Variants in UCP3 observed in about 807,000 individuals in gnomAD.
UCP3 encodes the protein putative mitochondrial transporter UCP3.
In UCP3, 24 loss-of-function variants were observed where a neutral mutation model predicts 28.1. The observed-to-expected ratio is 0.85, with a 90% confidence interval of 0.62 to 1.20. The LOEUF (loss-of-function observed/expected upper bound fraction) is 1.20, where lower values mean the gene tolerates loss of function less well. UCP3 is among the 50% of genes most tolerant of loss of function. The probability of loss-of-function intolerance (pLI) is 0.00; values close to 1 mark genes in which losing one functional copy is unlikely to be tolerated. For missense variants in UCP3, 397 were observed against 422.2 expected, an observed-to-expected ratio of 0.94 and a Z score of 0.52; for synonymous variants, 184 against 171.2, an observed-to-expected ratio of 1.07 and a Z score of -0.59.
intron 6 of UCP3, chr11:74,001,903 T>C (rs1034309045): frequency 2.2e-4 from 61 of 282,320 alleles, no homozygotes; most frequent in African/African-American, 1.3e-3. Flanking sequence ...AACTCCACCC[T>C]GCTGCTGGGT....
rs755640693 is a variant in UCP3, at chr11:74,007,085, G to A, written c.-43C>T. 7 of 1,610,022 alleles carry A rather than the reference G, an allele frequency of 4.3e-6. No individual in the cohort carries two copies. The South Asian group carries it at 5.5e-5, about 13-fold the overall frequency. On this transcript the variant is annotated 5_prime_UTR_variant, in exon 2 of 7. Coordinates refer to ENST00000314032, the MANE Select transcript of UCP3 (RefSeq NM_003356.4). ...CCCAGTCCCTTTAGGGCCGAGAGGA[G>A]GTCCAAGGAGAGAGGCTGCTCCACA...
chr11:74,003,740 T>G, intron 6 of UCP3, 87 bp downstream of exon 6: 1 of 1,512,388 alleles, frequency 6.6e-7, no homozygotes, highest in Non-Finnish European at 8.8e-7. Context: ...CACCGCTACA[T>G]CCCAGGTTGA....
At position 74,004,471 on chromosome 11, in the gene UCP3, C is replaced by T; in HGVS notation, c.643+13G>A. ...CTGAGGGAGAGCTGCCTGCCTGGAG[C>T]CCAGGGCCTCACCAGTGAGCAGGTG... On this transcript the variant is annotated intron_variant, in intron 5 of 6. Transcript: ENST00000314032. 1 of 1,613,610 alleles carries T rather than the reference C, an allele frequency of 6.2e-7. No homozygotes were observed. Among genetic ancestry groups the T allele is most frequent in the Non-Finnish European group, 8.5e-7 (1 of 1,179,612 alleles).
intron 6 of UCP3, 69 bp from the exon 7 acceptor site, chr11:74,001,595 C>T (rs966904271): frequency 1.9e-5 from 26 of 1,379,198 alleles, no homozygotes; most frequent in South Asian, 4.7e-5. Flanking sequence ...TGTGCTCTCC[C>T]GGGACACAGT....
At chr11:74,001,740 G>A (rs745443059) in intron 6 of UCP3, 105 of 548,176 alleles carry the variant, frequency 1.9e-4, no homozygotes, top group Non-Finnish European at 2.9e-4. Flanking sequence ...AAAAACTCAC[G>A]TTTTGAGACG....
chr11:74,003,482 A>T (rs1951635431), intron 6 of UCP3: 3 of 1,015,766 alleles, frequency 3.0e-6, no homozygotes, highest in African/African-American at 1.7e-5. Context: ...GAAAACGTGG[A>T]GCGTGTGGAG....
intron 6 of UCP3, 74 bp from the exon 7 acceptor site, chr11:74,001,600 C>A (rs1951622262): frequency 7.5e-7 from 1 of 1,336,528 alleles, no homozygotes; most frequent in Non-Finnish European, 1.1e-6. Context: ...TCTCCCGGGA[C>A]ACAGTGGTAG....
At chr11:74,003,760 G>A (rs1951637426) in intron 6 of UCP3, 67 bp downstream of exon 6, 1 of 1,518,890 alleles carries the variant, frequency 6.6e-7, no homozygotes, top group Non-Finnish European at 8.8e-7. Context: ...ACCCACGGTA[G>A]CCACATTCGA....
chr11:74,003,800 G>A, intron 6 of UCP3, 27 bp downstream of exon 6: 1 of 1,551,072 alleles, frequency 6.4e-7, no homozygotes, highest in East Asian at 2.3e-5. Flanking sequence ...CTCTGGGAGG[G>A]AGTGCTGGAG....
At chr11:74,008,183 A>T (rs935195272) in intron 1 of UCP3, among the ~76,000 whole-genome samples, 1 of 152,140 alleles carries the variant, frequency 6.6e-6, no homozygotes, top group Non-Finnish European at 1.5e-5. Flanking sequence ...TGGAGCTGAG[A>T]TTGGTGCCCA....
intron 6 of UCP3, chr11:74,002,954 C>CT (rs1565190336): frequency 1.0e-6 from 1 of 985,236 alleles, no homozygotes; most frequent in African/African-American, 1.7e-5. Context: ...GGTGTGGTGT[C>CT]TGACGGTCAG....
chr11:74,006,779 G>C, intron 2 of UCP3, 138 bp downstream of exon 2: 1 of 1,402,496 alleles, frequency 7.1e-7, no homozygotes, highest in Non-Finnish European at 9.9e-7. Flanking sequence ...AGGAGGCAAG[G>C]AAGGGTCCTA....
Position 74,005,935 on chromosome 11 carries a change from T to C in UCP3, c.338-2A>G, listed in dbSNP as rs1266508544. The C allele has an allele frequency of 6.2e-7, 1 of 1,614,038 alleles. No individual in the cohort carries two copies. ...AAATCCGGGTAGTGAGGCTGGAGTC[T>C]GGGAGGGGCAGAGAGAGTGGGCCAG... On this transcript the variant is annotated splice_acceptor_variant, in intron 3 of 6. Transcript: ENST00000314032. LOFTEE classifies it high-confidence loss of function.
At chr11:74,005,503 T>G (rs1245107459) in intron 4 of UCP3, among the ~76,000 whole-genome samples, 2 of 152,214 alleles carry the variant, frequency 1.3e-5, no homozygotes, top group Non-Finnish European at 2.9e-5. Context: ...GTGTCTTAAG[T>G]TCATTTCTGG....
rs1281325180 is a variant in UCP3, at chr11:74,000,982, CAGGCTCCGTG to C, written c.*420_*429del. ...TCTGTGTTGCTGGGTGGCATCCCTC[CAGGCTCCGTG>C]GCTGATCTCCCACTCCATTGTGGGC... On this transcript the variant is annotated 3_prime_UTR_variant, in exon 7 of 7. Coordinates refer to ENST00000314032, the MANE Select transcript of UCP3 (RefSeq NM_003356.4). The C allele has an allele frequency of 5.0e-5, 11 of 221,308 alleles. No individual in the cohort carries two copies. The highest frequency in any genetic ancestry group is 2.6e-4 in the African/African-American group (11 of 43,078). The allele number at this position is 221,308 out of a possible 1,614,324, so 13.7% of individuals were successfully genotyped here.
At chr11:74,003,444 T>A in intron 6 of UCP3, 1 of 995,010 alleles carries the variant, frequency 1.0e-6, no homozygotes, top group African/African-American at 1.7e-5. Flanking sequence ...TGATGAGGCA[T>A]TCCACGCAGA....
chr11:74,001,218 G>T lies in UCP3; in HGVS notation c.*194C>A. On this transcript the variant is annotated 3_prime_UTR_variant, in exon 7 of 7. Coordinates refer to ENST00000314032, the MANE Select transcript of UCP3 (RefSeq NM_003356.4). ...TTCCATCTTGTCAGTGCAAAACAAA[G>T]GTGTTCTTGAGGCATGGCAGTGAAG... 1 of 601,374 alleles carries T rather than the reference G, an allele frequency of 1.7e-6. No homozygotes were observed. The highest frequency in any genetic ancestry group is 2.1e-5 in the South Asian group (1 of 48,556). 37.3% of individuals were successfully genotyped at this position (601,374 alleles called of 1,614,324 possible). A position where few individuals can be genotyped will look rare whatever the true frequency, so the allele number is the denominator to read the frequency against.
rs755461584 is a variant in UCP3, at chr11:74,006,929, C to T, written c.114G>A (p.Lys38=). 6.2e-7 allele frequency: 1 copy of T among 1,614,214 alleles called. No homozygotes were observed. The highest frequency in any genetic ancestry group is 1.1e-5 in the South Asian group (1 of 91,090). ...AAAGGGCACCTACCTGCAGGCGGAC[C>T]TTGGCTGTGTCCAGTGGAAAGGTAA... The part of the protein sequence containing the change: ...DLVTFPLDTA[K]VRLQIQGENQ... Residue 38 remains lysine, a synonymous_variant, in exon 2 of 7, where the codon AAG becomes AAA. Transcript: ENST00000314032.
chr11:74,001,376 CG>C lies in UCP3; in HGVS notation c.*35del, dbSNP rs1951620320. On this transcript the variant is annotated 3_prime_UTR_variant, in exon 7 of 7. Coordinates refer to ENST00000314032, the MANE Select transcript of UCP3 (RefSeq NM_003356.4). Reference sequence around the variant, plus strand: ...GTTTTCTTCCATTCTTAACTGGTTTCGGACACGTTAGCTACCAGTGGCCTTC... The same window carrying C: ...GTTTTCTTCCATTCTTAACTGGTTTCGACACGTTAGCTACCAGTGGCCTTC... 1.2e-6 allele frequency: 2 copies of C among 1,603,814 alleles called. No homozygotes were observed. The highest frequency in any genetic ancestry group is 3.3e-5 in the Admixed American group (2 of 59,950).
Sources: allele counts gnomAD v4.1 joint callset (sites outside exome capture counted in the v4.1 genomes callset), GRCh38; gene constraint gnomAD v4.1.1; transcripts MANE v1.5; gene names NCBI Gene and HGNC (gene_info 2026-07-23, HGNC 2026-07-21).